The following KDM2A variants were observed in gnomAD, a reference collection of about 807,000 sequenced individuals.
KDM2A encodes the protein lysine demethylase 2A.
A neutral mutation model predicts 137.3 loss-of-function variants in KDM2A; 3 were observed. The ratio of observed to expected loss-of-function variants is 0.02; its 90% confidence interval spans 0.01 to 0.06. The LOEUF (loss-of-function observed/expected upper bound fraction) is 0.06. KDM2A is among the 10% of genes least tolerant of loss of function. The pLI, the probability that KDM2A is intolerant of heterozygous loss-of-function variation, is 1.00. For missense variants in KDM2A, 738 were observed against 1,510.6 expected (o/e 0.49, Z 8.48); for synonymous variants, 512 against 541.5 (o/e 0.95, Z 0.76).
Position 67,252,736 on chromosome 11 carries a change from G to A in KDM2A, c.2811G>A (p.Arg937=). Residue 937 remains arginine, a synonymous_variant, in exon 18 of 21, where the codon AGG becomes AGA. Coordinates refer to ENST00000529006, the MANE Select transcript of KDM2A (RefSeq NM_012308.3). ...KRLWTKIDLS[R]CKAIVPQALS... is the part of the protein sequence containing the mutation. ...TTTGGACAAAAATTGACTTGAGTAGGTGTAAGGCCATTGTGCCCCAGGCCC... is the reference window on the plus strand; with the variant it reads ...TTTGGACAAAAATTGACTTGAGTAGATGTAAGGCCATTGTGCCCCAGGCCC... The A allele has an allele frequency of 6.2e-7, 1 of 1,613,968 alleles. No individual in the cohort carries two copies. Among genetic ancestry groups the A allele is most frequent in the Non-Finnish European group, 8.5e-7 (1 of 1,179,888 alleles).
intron 2 of KDM2A, among the ~76,000 whole-genome samples, chr11:67,155,312 T>C (rs1348526963): frequency 1.3e-5 from 2 of 152,138 alleles, no homozygotes; most frequent in Non-Finnish European, 2.9e-5. Context: ...ATACATTTAT[T>C]ATTGTTTTAA....
intron 10 of KDM2A, among the ~76,000 whole-genome samples, chr11:67,220,160 C>G (rs954619539): frequency 1.3e-5 from 2 of 152,110 alleles, no homozygotes; most frequent in Admixed American, 1.3e-4. Context: ...TACAGGCACA[C>G]GCCACCACAT....
chr11:67,179,799 C>T (rs964846085), intron 2 of KDM2A, among the ~76,000 whole-genome samples: 1 of 152,184 alleles, frequency 6.6e-6, no homozygotes, highest in Admixed American at 6.5e-5. Context: ...ATTTAGTAGA[C>T]CCTCTTTGGT....
chr11:67,241,482 A>C (rs141395693), intron 12 of KDM2A, among the ~76,000 whole-genome samples: 5 of 152,124 alleles, frequency 3.3e-5, no homozygotes, highest in Admixed American at 1.3e-4. Flanking sequence ...CAGGATCCTT[A>C]GGTTAAGAAT....
chr11:67,240,030 C>G (rs934487079), intron 12 of KDM2A: 11 of 1,301,304 alleles, frequency 8.5e-6, no homozygotes, highest in Non-Finnish European at 8.8e-6. Context: ...GCTCGGCTCC[C>G]CCTCCTGCCA....
At chr11:67,227,986 A>C in intron 10 of KDM2A, 51 bp from the exon 11 acceptor site, 3 of 1,558,306 alleles carry the variant, frequency 1.9e-6, no homozygotes, top group Non-Finnish European at 2.7e-6. Flanking sequence ...CATTTGTTGT[A>C]CTCTCTTTCC....
chr11:67,240,053 A>C, intron 12 of KDM2A: 1 of 1,308,188 alleles, frequency 7.6e-7, no homozygotes, highest in Non-Finnish European at 9.7e-7. Context: ...TTCCGTTGCA[A>C]AGCATTTCTG....
At position 67,234,167 on chromosome 11, in the gene KDM2A, A is replaced by G. The variant is rs561857907; in HGVS notation, c.1479+2207A>G. Among the ~76,000 whole-genome samples, 4 of 152,358 alleles carry G rather than the reference A, an allele frequency of 2.6e-5. No homozygotes were observed. The South Asian group carries it at 8.3e-4, about 32-fold the overall frequency. On this transcript the variant is annotated intron_variant, in intron 12 of 20. Coordinates refer to ENST00000529006, the MANE Select transcript of KDM2A (RefSeq NM_012308.3). ...TTATGCTAAATCTCAGAAAAGATAT[A>G]GCAAGCTTAGAGCTTGAATACCTTG...
In KDM2A at chr11:67,250,851, GT is replaced by G. The variant is rs1327578525; in HGVS notation, c.2768+57del. 2.9e-6 allele frequency: 4 copies of G among 1,361,888 alleles called. No individual in the cohort carries two copies. In the African/African-American group the frequency reaches 5.8e-5, roughly 20 times the overall value. 84.4% of individuals were successfully genotyped at this position (1,361,888 alleles called of 1,614,324 possible). ...TTAGGGGTATGGGAGTAGGTGGCAG[GT>G]TTTCCATATGAGAACAGCATGCACC... On this transcript the variant is annotated intron_variant, in intron 17 of 20. Coordinates refer to ENST00000529006, the MANE Select transcript of KDM2A (RefSeq NM_012308.3). This position sits in a 1 kb window ranked among gnomAD's most constrained non-coding sequence, Gnocchi z 7.1.
At chr11:67,167,707 G>A (rs1163239736) in intron 2 of KDM2A, among the ~76,000 whole-genome samples, 1 of 151,434 alleles carries the variant, frequency 6.6e-6, no homozygotes, top group African/African-American at 2.4e-5. Flanking sequence ...TACATTATCT[G>A]GTTGTTGGAA....
At chr11:67,126,701 C>CCGG (rs1855739289) in intron 2 of KDM2A, among the ~76,000 whole-genome samples, 1 of 144,276 alleles carries the variant, frequency 6.9e-6, no homozygotes, top group African/African-American at 2.7e-5. Context: ...GAGCGAGACT[C>CCGG]CATTTCAAAA....
At chr11:67,143,261 C>T (rs1856160960) in intron 2 of KDM2A, 1 of 151,962 alleles carries the variant, frequency 6.6e-6, no homozygotes, top group African/African-American at 2.4e-5. Context: ...CCCGCCTCCG[C>T]CTCCCAAGGT....
At position 67,250,610 on chromosome 11, in the gene KDM2A, G is replaced by A; in HGVS notation, c.2580G>A (p.Glu860=). Residue 860 remains glutamate (E), a synonymous_variant, in exon 17 of 21, where the codon GAG becomes GAA. Coordinates refer to ENST00000529006, the MANE Select transcript of KDM2A (RefSeq NM_012308.3). This position sits in a 1 kb window ranked among gnomAD's most constrained non-coding sequence, Gnocchi z 7.1. ...GGCTGGGGGGAGAGGAGGAGGAAGA[G>A]GAGGAGGAGGAGGAGGAAGATGACA... The part of the protein sequence containing the change: ...EEGLGGEEEE[E]EEEEEEDDSA... The A allele has an allele frequency of 6.5e-7, 1 of 1,533,850 alleles. No homozygotes were observed.
chr11:67,126,627 G>GAACT (rs1224086330), intron 2 of KDM2A, among the ~76,000 whole-genome samples: 6 of 150,416 alleles, frequency 4.0e-5, no homozygotes, highest in Non-Finnish European at 7.4e-5. Flanking sequence ...AGAATTGCTT[G>GAACT]AACTCGGGAG....
chr11:67,243,127 T>A, intron 13 of KDM2A, 35 bp downstream of exon 13: 3 of 1,490,718 alleles, frequency 2.0e-6, no homozygotes, highest in Non-Finnish European at 2.8e-6. Flanking sequence ...TTAGGCTGCT[T>A]AAGCCTTTTG....
chr11:67,143,954 T>G (rs532794627), intron 2 of KDM2A, among the ~76,000 whole-genome samples: 16 of 151,906 alleles, frequency 1.1e-4, no homozygotes, highest in Admixed American at 9.2e-4. Flanking sequence ...ATTTTTTTTT[T>G]TTTGTGAGAC....
intron 2 of KDM2A, among the ~76,000 whole-genome samples, chr11:67,156,862 C>G (rs1379834530): frequency 1.3e-5 from 2 of 151,942 alleles, no homozygotes; most frequent in Non-Finnish European, 2.9e-5. Context: ...GCACTTCATC[C>G]AGCCTGCTGA....
rs753167233 is a variant in KDM2A at position 67,250,269 on chromosome 11, G to C, written c.2239G>C (p.Asp747His). The change falls in exon 17 of 21, where the codon GAC becomes CAC. Residue 747 changes from aspartate (D) to histidine (H), a missense_variant. Coordinates refer to ENST00000529006, the MANE Select transcript of KDM2A (RefSeq NM_012308.3). The surrounding 1 kb of genome is among the most constrained non-coding windows in gnomAD (Gnocchi z 7.1). ...TRSSPGAGPS[D>H]HHSASRDERF... is the part of the protein sequence containing the mutation. ...GTCATCCCCTGGGGCTGGCCCCAGC[G>C]ACCACCACAGTGCCAGCCGCGATGA... The C allele has an allele frequency of 6.2e-7, 1 of 1,613,856 alleles. No homozygotes were observed. The highest frequency in any genetic ancestry group is 1.7e-5 in the Admixed American group (1 of 60,022).
intron 6 of KDM2A, among the ~76,000 whole-genome samples, chr11:67,211,137 C>T (rs1489019193): frequency 6.6e-6 from 1 of 152,014 alleles, no homozygotes; most frequent in Non-Finnish European, 1.5e-5. Context: ...ATTCTTATTC[C>T]CCCCATAGTA....
Sources: allele counts gnomAD v4.1 joint callset (sites outside exome capture counted in the v4.1 genomes callset), GRCh38; gene constraint gnomAD v4.1.1; non-coding constraint Gnocchi (gnomAD v3.1); transcripts MANE v1.5; gene names NCBI Gene and HGNC (gene_info 2026-07-23, HGNC 2026-07-21).